NPL: variants seen among roughly 807,000 people sequenced by gnomAD.
The protein encoded by NPL is N-acetylneuraminate pyruvate lyase, also known as N-acetylneuraminate lyase.
NPL carries 32 observed loss-of-function variants against 41.1 expected under a neutral mutation model. The ratio of observed to expected loss-of-function variants is 0.78; its 90% CI spans 0.59 to 1.05. The LOEUF (loss-of-function observed/expected upper bound fraction) is 1.05, where lower values mean the gene tolerates loss of function less well. Ranked by LOEUF, NPL falls within the 50% of genes least tolerant of loss-of-function variation. The pLI is 0.00. For synonymous variants in NPL, 128 were observed against 134.9 expected (o/e 0.95, Z 0.35); for missense variants, 321 against 378.4 (o/e 0.85, Z 1.26).
At chr1:182,814,592 A>G (rs917572710) in intron 6 of NPL, among the ~76,000 whole-genome samples, 191 bp from the exon 7 acceptor site, 4 of 152,218 alleles carry the variant, frequency 2.6e-5, no homozygotes, top group African/African-American at 4.8e-5. Flanking sequence ...GCTCACCTTC[A>G]TCGGGGAGCT....
At chr1:182,806,705 G>A (rs1667021086) in intron 5 of NPL, among the ~76,000 whole-genome samples, 1 of 152,168 alleles carries the variant, frequency 6.6e-6, no homozygotes, top group Admixed American at 6.5e-5. Context: ...CTCTTGCGCT[G>A]TTGGAGGACT....
At chr1:182,809,780 T>C (rs1337065068) in intron 5 of NPL, 1 of 152,112 alleles carries the variant, frequency 6.6e-6, no homozygotes, top group African/African-American at 2.4e-5. Flanking sequence ...GCCAGAAGGC[T>C]CGTTGGAGCC....
intron 12 of NPL, 145 bp downstream of exon 12, chr1:182,825,965 G>A: frequency 1.3e-6 from 1 of 766,296 alleles, no homozygotes; most frequent in Non-Finnish European, 2.3e-6. Flanking sequence ...AACCCTCGGG[G>A]CCAACCATAT....
intron 3 of NPL, among the ~76,000 whole-genome samples, chr1:182,798,446 T>A (rs1335450257): frequency 6.6e-6 from 1 of 152,120 alleles, no homozygotes; most frequent in Non-Finnish European, 1.5e-5. Context: ...CAGGCTGGTC[T>A]CAAACTCCTG....
chr1:182,791,419 A>G (rs1285633029), intron 1 of NPL: 1 of 152,160 alleles, frequency 6.6e-6, no homozygotes, highest in Non-Finnish European at 1.5e-5. Flanking sequence ...GAAGATTTCA[A>G]TAGAGACCCA....
chr1:182,802,431 T>C (rs1666874938), intron 3 of NPL, among the ~76,000 whole-genome samples: 1 of 152,362 alleles, frequency 6.6e-6, no homozygotes, highest in African/African-American at 2.4e-5. Flanking sequence ...TTTTGACATG[T>C]ACATTTTGAT....
intron 3 of NPL, among the ~76,000 whole-genome samples, chr1:182,798,650 A>G (rs111885148): frequency 1.8e-3 from 272 of 152,324 alleles, no homozygotes; most frequent in African/African-American, 6.2e-3. Flanking sequence ...TTTTCCCTCA[A>G]ATGTTCTTGG....
At chr1:182,816,565 C>A in intron 7 of NPL, 149 bp from the exon 8 acceptor site, 1 of 658,590 alleles carries the variant, frequency 1.5e-6, no homozygotes, top group South Asian at 1.6e-5. Flanking sequence ...AAAAACATTG[C>A]AGTAGCAGTA....
intron 6 of NPL, among the ~76,000 whole-genome samples, chr1:182,812,872 A>C (rs1417850315): frequency 1.3e-5 from 2 of 151,992 alleles, no homozygotes; most frequent in Non-Finnish European, 2.9e-5. Context: ...GGTGATTCTG[A>C]GGCCTGGGTG....
chr1:182,815,726 C>T (rs906041602), intron 7 of NPL, among the ~76,000 whole-genome samples: 1 of 152,126 alleles, frequency 6.6e-6, no homozygotes, highest in Non-Finnish European at 1.5e-5. Context: ...CCATTGGCCT[C>T]CCAAGTAGCT....
rs1182317857 is a variant in NPL at position 182,830,179 on chromosome 1, TAATTA to T, written c.*1272_*1276del. The T allele has an allele frequency of 6.6e-6, 1 of 152,316 alleles. No homozygotes were observed. Among genetic ancestry groups the T allele is most frequent in the Non-Finnish European group, 1.5e-5 (1 of 68,092 alleles). The allele number at this position is 152,316 out of a possible 1,614,324, so 9.4% of individuals were successfully genotyped here. A position where few individuals can be genotyped will look rare whatever the true frequency, so the allele number is the denominator to read the frequency against. ...CAATTATCTTTGCTAATCCTCTCTT[TAATTA>T]GTCAGCTAGTTAAAAGTTGTTATAT... On this transcript the variant is annotated 3_prime_UTR_variant, in exon 13 of 13. Transcript: ENST00000367553.
chr1:182,825,144 TATTA>T (rs1168212626), intron 11 of NPL, among the ~76,000 whole-genome samples: 2 of 152,222 alleles, frequency 1.3e-5, no homozygotes, highest in African/African-American at 4.8e-5. Flanking sequence ...ACTTATTACC[TATTA>T]ATTAGAAGAA....
intron 5 of NPL, chr1:182,809,278 C>CCTGTAAT (rs760994475): frequency 1.6e-4 from 70 of 436,654 alleles, no homozygotes; most frequent in African/African-American, 1.3e-3. Flanking sequence ...GTGGCTCACA[C>CCTGTAAT]CTGTAATCCC....
chr1:182,801,279 T>C (rs2102535600), intron 3 of NPL, among the ~76,000 whole-genome samples: 1 of 152,260 alleles, frequency 6.6e-6, no homozygotes, highest in East Asian at 1.9e-4. Flanking sequence ...AGCAACCTAC[T>C]TTCTCCTTTC....
intron 12 of NPL, chr1:182,827,147 A>T (rs576538220): frequency 6.6e-6 from 1 of 152,354 alleles, no homozygotes; most frequent in South Asian, 2.1e-4. Context: ...GATCATGCTA[A>T]TATTTTCCCT....
chr1:182,812,246 T>G, intron 6 of NPL, 33 bp downstream of exon 6: 1 of 1,575,696 alleles, frequency 6.3e-7, no homozygotes, highest in East Asian at 2.2e-5. Context: ...GAGAGACCAT[T>G]CAAGGGGCCT....
At position 182,829,841 on chromosome 1, in the gene NPL, TTCTC is replaced by T; in HGVS notation, c.*936_*939del. The stretch of plus-strand genomic sequence containing the variant: ...GGGAGGACCCAAAGGACTCAGAACT[TTCTC>T]TCCATACCTCCTTTTACTCTTTTCT... On this transcript the variant is annotated 3_prime_UTR_variant, in exon 13 of 13. Transcript: ENST00000367553. 1 of 582,104 alleles carries T rather than the reference TTCTC, an allele frequency of 1.7e-6. No homozygotes were observed. The highest frequency in any genetic ancestry group is 3.1e-6 in the Non-Finnish European group (1 of 320,806). The allele number at this position is 582,104 out of a possible 1,614,324, so 36.1% of individuals were successfully genotyped here. A position where few individuals can be genotyped will look rare whatever the true frequency, so the allele number is the denominator to read the frequency against.
rs140918251 is a variant in NPL, at chr1:182,805,590, G to A, written c.143-555G>A. ...GAGAAAAATAATTTCTACTTTGCTGGGTTGTTGTGAGAGTAAGTGGATATG... is the reference window on the plus strand; with the variant it reads ...GAGAAAAATAATTTCTACTTTGCTGAGTTGTTGTGAGAGTAAGTGGATATG... On this transcript the variant is annotated intron_variant, in intron 4 of 12. Coordinates refer to ENST00000367553, the MANE Select transcript of NPL (RefSeq NM_030769.3). Among the ~76,000 whole-genome samples the A allele has an allele frequency of 1.3e-3, 197 of 152,186 alleles. 1 individual carries two copies. Among genetic ancestry groups the A allele is most frequent in the African/African-American group, 4.6e-3 (191 of 41,510 alleles).
intron 7 of NPL, among the ~76,000 whole-genome samples, chr1:182,816,413 G>A (rs180976717): frequency 0.06 from 8,879 of 149,002 alleles, 361 homozygotes; most frequent in African/African-American, 0.13. Flanking sequence ...CTCACATGAT[G>A]GACTTGTTTT....
Sources: gnomAD v4.1 joint callset for allele counts (sites outside exome capture counted in the v4.1 genomes callset) on GRCh38, gnomAD v4.1.1 for gene constraint, MANE v1.5 for transcripts, NCBI Gene and HGNC (gene_info 2026-07-23, HGNC 2026-07-21) for gene names.